The following PHACTR3 variants were observed in gnomAD, a reference collection of about 807,000 sequenced individuals.
PHACTR3 encodes the protein phosphatase and actin regulator 3.
PHACTR3 carries 16 observed loss-of-function variants against 66.8 expected under a neutral mutation model. The observed-to-expected ratio is 0.24, with a 90% CI of 0.16 to 0.36. The LOEUF is 0.36. Among genes scored for constraint, PHACTR3 ranks in the 10% least tolerant of loss-of-function variants. The pLI, the probability that PHACTR3 is intolerant of heterozygous loss-of-function variation, is 1.00. For synonymous variants in PHACTR3, 323 were observed against 292.1 expected, an observed-to-expected ratio of 1.11 and a Z score of -1.08; for missense variants, 647 against 719.9, an observed-to-expected ratio of 0.90 and a Z score of 1.16.
chr20:59,670,315 A>G (rs1195689715), intron 1 of PHACTR3, among the ~76,000 whole-genome samples: 5 of 152,176 alleles, frequency 3.3e-5, no homozygotes, highest in Non-Finnish European at 7.4e-5. Context: ...GTGCAGAGCC[A>G]TGGATTTCAC....
chr20:59,605,961 G>A (rs903021831), intron 1 of PHACTR3, among the ~76,000 whole-genome samples: 3 of 152,088 alleles, frequency 2.0e-5, no homozygotes, highest in African/African-American at 7.2e-5. Context: ...ACTTCACAGG[G>A]AGAAGTCTGG....
At chr20:59,744,915 G>T (rs2039311513) in intron 2 of PHACTR3, among the ~76,000 whole-genome samples, 1 of 152,216 alleles carries the variant, frequency 6.6e-6, no homozygotes, top group African/African-American at 2.4e-5. Context: ...CTGCAAGGCA[G>T]CCTCCCTCAC....
At chr20:59,824,749 G>A (rs891330503) in intron 8 of PHACTR3, among the ~76,000 whole-genome samples, 25 of 152,200 alleles carry the variant, frequency 1.6e-4, no homozygotes, top group African/African-American at 5.5e-4. Flanking sequence ...TGACCACCAG[G>A]GAATGCCCCT....
chr20:59,719,715 G>A (rs1318271834), intron 1 of PHACTR3, among the ~76,000 whole-genome samples: 1 of 152,170 alleles, frequency 6.6e-6, no homozygotes, highest in Non-Finnish European at 1.5e-5. Flanking sequence ...AGATTCAGGG[G>A]AATTAGTTCG....
intron 1 of PHACTR3, among the ~76,000 whole-genome samples, chr20:59,732,195 G>A (rs1425417840): frequency 1.3e-5 from 2 of 152,160 alleles, no homozygotes; most frequent in East Asian, 1.9e-4. Flanking sequence ...ATCTCCCTAT[G>A]CTAGAGTTCC....
At chr20:59,578,233 G>A (rs1029966474) in intron 1 of PHACTR3, among the ~76,000 whole-genome samples, 2 of 152,240 alleles carry the variant, frequency 1.3e-5, no homozygotes, top group African/African-American at 4.8e-5. Flanking sequence ...GCTGGGCCAG[G>A]GAAGAGGAGT....
chr20:59,744,750 C>T (rs1264120806), intron 2 of PHACTR3, among the ~76,000 whole-genome samples: 1 of 152,244 alleles, frequency 6.6e-6, no homozygotes, highest in Non-Finnish European at 1.5e-5. Context: ...CATCATCATT[C>T]GGCAGATCTT....
chr20:59,662,182 G>A (rs556605095), intron 1 of PHACTR3, among the ~76,000 whole-genome samples: 16 of 152,238 alleles, frequency 1.1e-4, no homozygotes, highest in African/African-American at 1.9e-4. Flanking sequence ...ACAAGAGGCC[G>A]GTCTCACCCT....
chr20:59,755,465 A>G lies in PHACTR3; in HGVS notation c.541+101A>G, dbSNP rs972567058. On this transcript the variant is annotated intron_variant, in intron 4 of 12. Coordinates refer to ENST00000371015, the MANE Select transcript of PHACTR3 (RefSeq NM_080672.5). ...GCTTAGGCAACAGCCCTCGTAGAAC[A>G]TTGTTCTCCAGAGAGCTGGGCCCGT... 20 of 1,312,362 alleles carry G rather than the reference A, an allele frequency of 1.5e-5. No individual in the cohort carries two copies. The Admixed American group carries it at 1.6e-4, about 10-fold the overall frequency. 81.3% of individuals were successfully genotyped at this position (1,312,362 alleles called of 1,614,324 possible).
Position 59,836,552 on chromosome 20 carries a change from T to C in PHACTR3, c.1376T>C (p.Ile459Thr). 6.2e-7 allele frequency: 1 copy of C among 1,610,888 alleles called. No homozygotes were observed. The highest frequency in any genetic ancestry group is 8.5e-7 in the Non-Finnish European group (1 of 1,178,898). ...GTGGAAGAGCTGGAGAGAAGAAATATCTTGAAACGTGAGTAGCTGGTGATT... is the reference window on the plus strand; with the variant it reads ...GTGGAAGAGCTGGAGAGAAGAAATACCTTGAAACGTGAGTAGCTGGTGATT... ...PAVEELERRN[I>T]LKQRNDQTEQ... Residue 459 changes from isoleucine (I) to threonine (T), a missense_variant, in exon 9 of 13, where the codon ATC becomes ACC. Physicochemically the swap from Ile to Thr is moderately conservative, Grantham distance 89. Transcript: ENST00000371015.
rs1434262617 is a variant in PHACTR3 at position 59,620,231 on chromosome 20, T to G, written c.118+15099T>G. 6.6e-5 allele frequency among the ~76,000 whole-genome samples: 10 copies of G among 152,334 alleles called. No homozygotes were observed. In the East Asian group the frequency reaches 1.9e-3, roughly 29 times the overall value. ...GACATCTAAAAATGTCACAAAATAG[T>G]AAAAAAATAACTCCTGCGTACCTTT... On this transcript the variant is annotated intron_variant, in intron 1 of 12. Transcript: ENST00000371015.
chr20:59,735,177 T>G (rs1385036642), intron 1 of PHACTR3, among the ~76,000 whole-genome samples: 1 of 152,132 alleles, frequency 6.6e-6, no homozygotes, highest in Non-Finnish European at 1.5e-5. Flanking sequence ...CATGTCACAT[T>G]ATGAGGTTGC....
At chr20:59,806,795 G>A (rs1386515506) in intron 8 of PHACTR3, among the ~76,000 whole-genome samples, 3 of 152,240 alleles carry the variant, frequency 2.0e-5, no homozygotes, top group Non-Finnish European at 2.9e-5. Context: ...GGCGCGGTCT[G>A]CAGCACGCCT....
At position 59,805,231 on chromosome 20, in the gene PHACTR3, C is replaced by G. The variant is rs11086677; in HGVS notation, c.1175-810C>G. Among the ~76,000 whole-genome samples the G allele has an allele frequency of 4.8e-3, 736 of 152,346 alleles. 31 individuals are homozygous for G. The East Asian group carries it at 0.058, about 12-fold the overall frequency. On this transcript the variant is annotated intron_variant, in intron 7 of 12. Coordinates refer to ENST00000371015, the MANE Select transcript of PHACTR3 (RefSeq NM_080672.5). ...CATTCCCTAATACCTTCCTCTCATGCTGTTAACTTCACTCAGCTGATTCCA... is the reference window on the plus strand; with the variant it reads ...CATTCCCTAATACCTTCCTCTCATGGTGTTAACTTCACTCAGCTGATTCCA...
intron 1 of PHACTR3, among the ~76,000 whole-genome samples, chr20:59,665,239 C>T (rs371553797): frequency 2.0e-5 from 3 of 152,206 alleles, no homozygotes; most frequent in South Asian, 2.1e-4. Context: ...ATGTGGCTCT[C>T]TCTCTACCTA....
chr20:59,632,892 C>T (rs2034717244), intron 1 of PHACTR3, among the ~76,000 whole-genome samples: 1 of 152,220 alleles, frequency 6.6e-6, no homozygotes, highest in Non-Finnish European at 1.5e-5. Context: ...ACTGAAAGCT[C>T]TTGAAGCTGC....
chr20:59,812,041 C>T (rs556360474), intron 8 of PHACTR3, among the ~76,000 whole-genome samples: 98 of 152,366 alleles, frequency 6.4e-4, no homozygotes, highest in Middle Eastern at 3.4e-3. Context: ...CAGAGGCCAG[C>T]AGCAGGCCTT....
At chr20:59,655,224 G>A (rs1362406237) in intron 1 of PHACTR3, among the ~76,000 whole-genome samples, 1 of 151,940 alleles carries the variant, frequency 6.6e-6, no homozygotes, top group Non-Finnish European at 1.5e-5. Context: ...AATTTTCCCA[G>A]TCAGGCTGAT....
At chr20:59,670,600 G>A (rs1381488000) in intron 1 of PHACTR3, among the ~76,000 whole-genome samples, 4 of 129,406 alleles carry the variant, frequency 3.1e-5, no homozygotes, top group Non-Finnish European at 4.9e-5. Context: ...GGCATCTGCC[G>A]GGGGTGGGGG....
Sources: gnomAD v4.1 joint callset for allele counts (sites outside exome capture counted in the v4.1 genomes callset) on GRCh38, gnomAD v4.1.1 for gene constraint, MANE v1.5 for transcripts, NCBI Gene and HGNC (gene_info 2026-07-23, HGNC 2026-07-21) for gene names.